Variants in SPPL3 observed in about 807,000 individuals in gnomAD.
SPPL3 encodes signal peptide peptidase like 3, also known as signal peptide peptidase-like 3.
A neutral mutation model predicts 42.4 loss-of-function variants in SPPL3; 5 were observed. The ratio of observed to expected loss-of-function variants is 0.12; its 90% CI spans 0.06 to 0.25. The LOEUF (loss-of-function observed/expected upper bound fraction) is 0.25, where lower values mean the gene tolerates loss of function less well. Ranked by LOEUF, SPPL3 falls within the 10% of genes least tolerant of loss-of-function variation. SPPL3 has a pLI of 1.00. For synonymous variants in SPPL3, 195 were observed against 181.8 expected (o/e 1.07, Z -0.58); for missense variants, 235 against 489.0 (o/e 0.48, Z 4.90).
intron 2 of SPPL3, among the ~76,000 whole-genome samples, chr12:120,799,315 T>C (rs1383527233): frequency 6.6e-6 from 1 of 152,028 alleles, no homozygotes; most frequent in Non-Finnish European, 1.5e-5. Flanking sequence ...GTACTGAGAG[T>C]GAAAAACAGA....
intron 1 of SPPL3, among the ~76,000 whole-genome samples, chr12:120,876,016 A>ACT (rs1555253855): frequency 4.2e-5 from 6 of 144,140 alleles, no homozygotes; most frequent in Non-Finnish European, 7.7e-5. Context: ...AAACAAACAG[A>ACT]CCCCCCCCAC....
intron 5 of SPPL3, 136 bp downstream of exon 5, chr12:120,783,538 A>C (rs1281389782): frequency 2.7e-6 from 2 of 728,440 alleles, no homozygotes; most frequent in Non-Finnish European, 4.4e-6. Flanking sequence ...TAAAGATCAA[A>C]TGTGTCACTT....
At chr12:120,890,194 A>G (rs1873590784) in intron 1 of SPPL3, among the ~76,000 whole-genome samples, 1 of 152,134 alleles carries the variant, frequency 6.6e-6, no homozygotes, top group Non-Finnish European at 1.5e-5. Flanking sequence ...GGTTGTGGTG[A>G]GCCGAGATTG....
Position 120,769,064 on chromosome 12 carries a change from G to T in SPPL3, c.503-5C>A. The T allele has an allele frequency of 6.3e-7, 1 of 1,599,796 alleles. No homozygotes were observed. The highest frequency in any genetic ancestry group is 8.5e-7 in the Non-Finnish European group (1 of 1,173,488). On this transcript the variant is annotated splice_polypyrimidine_tract_variant and splice_region_variant and intron_variant, in intron 6 of 10. Transcript: ENST00000353487. ...CACAGAGGCCCATGGCCAGTGCTGG[G>T]GAGGAGACAGGGTACAGCAGACAGC...
intron 1 of SPPL3, among the ~76,000 whole-genome samples, chr12:120,832,837 C>T (rs905019383): frequency 6.6e-6 from 1 of 152,130 alleles, no homozygotes; most frequent in Non-Finnish European, 1.5e-5. Flanking sequence ...ATTTGAGTTG[C>T]ACAGGAAGAC....
At chr12:120,805,992 C>T (rs1336743615) in intron 2 of SPPL3, among the ~76,000 whole-genome samples, 1 of 144,664 alleles carries the variant, frequency 6.9e-6, no homozygotes, top group African/African-American at 2.5e-5. Context: ...CTATCGAAAT[C>T]CCTGCAGGCT....
At chr12:120,799,737 T>C (rs558151221) in intron 2 of SPPL3, among the ~76,000 whole-genome samples, 47 of 152,208 alleles carry the variant, frequency 3.1e-4, no homozygotes, top group Middle Eastern at 6.8e-3. Context: ...AAAACAGAAA[T>C]GGGGCACAGT....
chr12:120,790,631 C>A (rs1869883886), intron 3 of SPPL3, among the ~76,000 whole-genome samples: 1 of 152,168 alleles, frequency 6.6e-6, no homozygotes, highest in South Asian at 2.1e-4. Flanking sequence ...TTATCTGACC[C>A]ATTGCTGCTC....
At chr12:120,817,994 G>C (rs566314305) in intron 1 of SPPL3, among the ~76,000 whole-genome samples, 2 of 152,128 alleles carry the variant, frequency 1.3e-5, no homozygotes, top group African/African-American at 4.8e-5. Flanking sequence ...AAGGAAAAAG[G>C]GTGGGTAAGT....
intron 1 of SPPL3, among the ~76,000 whole-genome samples, chr12:120,884,510 T>G (rs1873388252): frequency 6.6e-6 from 1 of 151,178 alleles, no homozygotes; most frequent in Non-Finnish European, 1.5e-5. Context: ...CTTTTTTTAC[T>G]TCTATTTGGG....
intron 9 of SPPL3, among the ~76,000 whole-genome samples, chr12:120,767,076 G>A (rs1868938443): frequency 6.6e-6 from 1 of 152,230 alleles, no homozygotes; most frequent in Non-Finnish European, 1.5e-5. Flanking sequence ...AATAAAGTAG[G>A]AAATAAATAC....
intron 1 of SPPL3, among the ~76,000 whole-genome samples, chr12:120,895,354 G>A (rs1471333654): frequency 6.6e-6 from 1 of 151,734 alleles, no homozygotes; most frequent in Non-Finnish European, 1.5e-5. Flanking sequence ...TTGAACCCAG[G>A]AGGTAGAGGT....
intron 2 of SPPL3, among the ~76,000 whole-genome samples, chr12:120,805,518 G>A (rs1196227907): frequency 6.6e-6 from 1 of 152,104 alleles, no homozygotes; most frequent in Non-Finnish European, 1.5e-5. Flanking sequence ...TACAATAAGG[G>A]AGAAAAAGGG....
intron 1 of SPPL3, among the ~76,000 whole-genome samples, chr12:120,899,225 T>C (rs1229316259): frequency 1.3e-5 from 2 of 152,248 alleles, no homozygotes; most frequent in African/African-American, 4.8e-5. Context: ...ATTCTGTTAA[T>C]AGCTTTTATT....
chr12:120,892,881 C>T lies in SPPL3; in HGVS notation c.23+10964G>A, dbSNP rs978740294. 2.0e-5 allele frequency among the ~76,000 whole-genome samples: 3 copies of T among 149,736 alleles called. No homozygotes were observed. The Admixed American group carries it at 2.0e-4, about 10-fold the overall frequency. On this transcript the variant is annotated intron_variant, in intron 1 of 10. Coordinates refer to ENST00000353487, the MANE Select transcript of SPPL3 (RefSeq NM_139015.5). Reference sequence around the variant, plus strand: ...CCTGTAGTCCCAGCTACTCGGGAGGCTGAGGCAGGAGAATGGCGTGAACCC... The same window carrying T: ...CCTGTAGTCCCAGCTACTCGGGAGGTTGAGGCAGGAGAATGGCGTGAACCC...
chr12:120,803,368 T>C (rs1870387114), intron 2 of SPPL3, among the ~76,000 whole-genome samples: 1 of 152,156 alleles, frequency 6.6e-6, no homozygotes, highest in Admixed American at 6.5e-5. Context: ...AATAAACAAT[T>C]GTAGGAAGCA....
chr12:120,888,869 G>A (rs750711566), intron 1 of SPPL3, among the ~76,000 whole-genome samples: 1 of 152,134 alleles, frequency 6.6e-6, no homozygotes, highest in African/African-American at 2.4e-5. Context: ...AGTACAATGG[G>A]TGCAATCTCA....
chr12:120,900,472 G>C (rs2137073947), intron 1 of SPPL3, among the ~76,000 whole-genome samples: 1 of 151,876 alleles, frequency 6.6e-6, no homozygotes, highest in South Asian at 2.1e-4. Context: ...GGGCGTGGTG[G>C]GGCACACCTG....
At chr12:120,784,689 T>C (rs570877153) in intron 3 of SPPL3, 96 bp from the exon 4 acceptor site, 2 of 929,186 alleles carry the variant, frequency 2.2e-6, no homozygotes, top group South Asian at 3.6e-5. Flanking sequence ...TGCAGACAGT[T>C]CTACGGATTA....
Sources: gnomAD v4.1 joint callset for allele counts (sites outside exome capture counted in the v4.1 genomes callset) on GRCh38, gnomAD v4.1.1 for gene constraint, MANE v1.5 for transcripts, NCBI Gene and HGNC (gene_info 2026-07-23, HGNC 2026-07-21) for gene names.